The following TSNARE1 variants were observed in gnomAD, a reference collection of about 807,000 sequenced individuals.
The protein encoded by TSNARE1 is t-SNARE domain-containing protein 1.
In TSNARE1, 49 loss-of-function variants were observed where a neutral mutation model predicts 62.0. That is an observed-to-expected ratio of 0.79 (90% CI 0.63 to 1.00). The LOEUF (loss-of-function observed/expected upper bound fraction) is 1.00, where lower values mean the gene tolerates loss of function less well. Among genes scored for constraint, TSNARE1 ranks in the 50% least tolerant of loss-of-function variants. TSNARE1 has a pLI of 0.00. For synonymous variants in TSNARE1, 328 were observed against 294.4 expected (o/e 1.11, Z -1.17); for missense variants, 755 against 700.1 (o/e 1.08, Z -0.88).
At chr8:142,287,199 C>T (rs1822907164) in intron 10 of TSNARE1, among the ~76,000 whole-genome samples, 1 of 148,126 alleles carries the variant, frequency 6.8e-6, no homozygotes, top group African/African-American at 2.5e-5. Flanking sequence ...GGACCCCGGC[C>T]AGATCTCAGG....
chr8:142,244,653 C>A (rs1290366812), intron 12 of TSNARE1, among the ~76,000 whole-genome samples: 1 of 152,170 alleles, frequency 6.6e-6, no homozygotes, highest in East Asian at 1.9e-4. Flanking sequence ...CCAACGTCCC[C>A]AAGACACTCC....
At chr8:142,259,326 G>T (rs910183676) in intron 12 of TSNARE1, among the ~76,000 whole-genome samples, 19 of 152,188 alleles carry the variant, frequency 1.2e-4, no homozygotes, top group African/African-American at 4.6e-4. Flanking sequence ...CCCAGAGAAG[G>T]ACTGGTCAAG....
intron 10 of TSNARE1, 101 bp downstream of exon 10, chr8:142,300,385 A>G (rs867409544): frequency 1.2e-5 from 17 of 1,391,688 alleles, no homozygotes; most frequent in Middle Eastern, 2.2e-4. Flanking sequence ...CCTCCAGGTC[A>G]AGGGCAAGCA....
At position 142,402,015 on chromosome 8, in the gene TSNARE1, G is replaced by A. The variant is rs191174500; in HGVS notation, c.-40+1089C>T. Among the ~76,000 whole-genome samples the A allele has an allele frequency of 1.5e-3, 230 of 152,190 alleles. 2 individuals are homozygous for A. The highest frequency in any genetic ancestry group is 2.2e-3 in the Non-Finnish European group (149 of 68,014). ...GCACTAAAGATAAAACAGAAAACAA[G>A]CAGATGAGTGACAATGACAAACAAG... On this transcript the variant is annotated intron_variant, in intron 1 of 13. Coordinates refer to ENST00000524325, the MANE Select transcript of TSNARE1 (RefSeq NM_145003.5).
chr8:142,245,395 C>A (rs892613950), intron 12 of TSNARE1, among the ~76,000 whole-genome samples: 3 of 152,150 alleles, frequency 2.0e-5, no homozygotes, highest in Admixed American at 2.0e-4. Context: ...GGTTTTTCAC[C>A]AAAAACTGCA....
intron 9 of TSNARE1, among the ~76,000 whole-genome samples, chr8:142,308,616 G>A (rs538652686): frequency 9.2e-5 from 14 of 152,158 alleles, no homozygotes; most frequent in African/African-American, 3.1e-4. Context: ...GTGTGTCCAC[G>A]GGCTGGTGTG....
intron 1 of TSNARE1, among the ~76,000 whole-genome samples, chr8:142,358,499 G>C (rs1425274740): frequency 6.6e-6 from 1 of 151,908 alleles, no homozygotes; most frequent in East Asian, 1.9e-4. Flanking sequence ...CAGGCACATG[G>C]AGGGGAGTGA....
intron 13 of TSNARE1, among the ~76,000 whole-genome samples, chr8:142,214,806 G>A (rs1318424303): frequency 1.3e-5 from 2 of 152,192 alleles, no homozygotes; most frequent in Non-Finnish European, 2.9e-5. Flanking sequence ...GAGGATGTAG[G>A]AGAGGTCACC....
chr8:142,391,408 G>A (rs564709047), intron 1 of TSNARE1, among the ~76,000 whole-genome samples: 3 of 151,816 alleles, frequency 2.0e-5, no homozygotes, highest in East Asian at 3.9e-4. Context: ...ACACTGCTGG[G>A]GACTCTGTAA....
At chr8:142,400,465 G>A (rs1838205307) in intron 1 of TSNARE1, among the ~76,000 whole-genome samples, 1 of 151,988 alleles carries the variant, frequency 6.6e-6, no homozygotes, top group Non-Finnish European at 1.5e-5. Flanking sequence ...AAAGGGCCGG[G>A]CACGGTGGCT....
rs139247465 is a variant in TSNARE1 at position 142,358,886 on chromosome 8, A to T, written c.-39-4123T>A. Among the ~76,000 whole-genome samples, 6 of 151,126 alleles carry T rather than the reference A, an allele frequency of 4.0e-5. No homozygotes were observed. In the East Asian group the frequency reaches 1.2e-3, roughly 30 times the overall value. ...CCACTTCCCTCCAGTGTCCGACTCAACCCCCATCCTGCGCTGGCCCAGCCC... is the reference window on the plus strand; with the variant it reads ...CCACTTCCCTCCAGTGTCCGACTCATCCCCCATCCTGCGCTGGCCCAGCCC... On this transcript the variant is annotated intron_variant, in intron 1 of 13. Transcript: ENST00000524325.
At position 142,390,603 on chromosome 8, in the gene TSNARE1, T is replaced by G. The variant is rs78099720; in HGVS notation, c.-40+12501A>C. ...CTCTATAGCAGACGCTGTACACTGC[T>G]GGGGACTCCATAGCAGACGCTGTAC... On this transcript the variant is annotated intron_variant, in intron 1 of 13. Transcript: ENST00000524325. Among the ~76,000 whole-genome samples the G allele has an allele frequency of 1.5e-3, 78 of 53,730 alleles. 5 individuals are homozygous for G. Among genetic ancestry groups the G allele is most frequent in the Admixed American group, 2.5e-3 (12 of 4,862 alleles). The allele number at this position is 53,730 out of a possible 152,430, so 35.2% of individuals were successfully genotyped here. A position where few individuals can be genotyped will look rare whatever the true frequency, so the allele number is the denominator to read the frequency against.
At chr8:142,310,379 C>A (rs1037521533) in intron 9 of TSNARE1, among the ~76,000 whole-genome samples, 2 of 152,138 alleles carry the variant, frequency 1.3e-5, no homozygotes, top group African/African-American at 4.8e-5. Context: ...TAATCTGAAG[C>A]CCGCCAGTCC....
intron 11 of TSNARE1, among the ~76,000 whole-genome samples, chr8:142,282,986 C>T (rs184560859): frequency 4.1e-5 from 6 of 146,822 alleles, no homozygotes; most frequent in East Asian, 4.1e-4. Flanking sequence ...AGGGCAAAGG[C>T]GGGGTCAGTG....
chr8:142,318,710 C>G, intron 6 of TSNARE1, 76 bp from the exon 7 acceptor site: 1 of 1,451,620 alleles, frequency 6.9e-7, no homozygotes. Context: ...AAGGACGGAG[C>G]AAGCAGGGAC....
rs148903424 is a variant in TSNARE1 at position 142,345,844 on chromosome 8, G to C, written c.137C>G (p.Pro46Arg). Residue 46 changes from proline (P) to arginine (R), a missense_variant, in exon 3 of 14, where the codon CCG (proline) becomes CGG (arginine). Coordinates refer to ENST00000524325, the MANE Select transcript of TSNARE1 (RefSeq NM_145003.5). ...GTTCTGCAGCTTGCTCTCTGGCGAC[G>C]GGCAGGGGAAATGGCGGATTCCATA... ...TEYGIRHFPC[P>R]SPESKLQNRC... 3 of 1,613,802 alleles carry C rather than the reference G, an allele frequency of 1.9e-6. No individual in the cohort carries two copies. The highest frequency in any genetic ancestry group is 1.7e-5 in the Admixed American group (1 of 59,984).
intron 13 of TSNARE1, among the ~76,000 whole-genome samples, chr8:142,226,495 C>T (rs1816780015): frequency 6.6e-6 from 1 of 152,164 alleles, no homozygotes; most frequent in Non-Finnish European, 1.5e-5. Flanking sequence ...TCCCAGAGAA[C>T]CTTTGCTACG....
intron 13 of TSNARE1, among the ~76,000 whole-genome samples, chr8:142,217,286 GAAGAAAGAAAGAAAGAAAAAGAAAGA>G (rs1815887598): frequency 1.2e-5 from 1 of 83,538 alleles, no homozygotes; most frequent in African/African-American, 3.8e-5. Context: ...AAAATAAAAA[GAAGAAAGAAAGAAAGAAAAAGAAAGA>G]AAGAAAGAAA....
intron 13 of TSNARE1, among the ~76,000 whole-genome samples, chr8:142,218,868 G>C (rs894920352): frequency 1.3e-5 from 2 of 152,128 alleles, no homozygotes; most frequent in African/African-American, 4.8e-5. Context: ...TCTCTTCTGT[G>C]GATTTAACTT....
Sources: allele counts gnomAD v4.1 joint callset (sites outside exome capture counted in the v4.1 genomes callset), GRCh38; gene constraint gnomAD v4.1.1; transcripts MANE v1.5; gene names NCBI Gene and HGNC (gene_info 2026-07-23, HGNC 2026-07-21).